Variants in WWOX observed in about 807,000 individuals in gnomAD.
WWOX encodes the protein WW domain containing oxidoreductase.
WWOX carries 69 observed loss-of-function variants against 46.2 expected under a neutral mutation model. The ratio of observed to expected loss-of-function variants is 1.49; its 90% CI spans 1.23 to 1.82. The LOEUF is 1.82. Ranked by LOEUF, WWOX falls within the 40% of genes most tolerant of loss-of-function variation. The pLI is 0.00. For synonymous variants in WWOX, 359 were observed against 202.6 expected (o/e 1.77, Z -6.56); for missense variants, 919 against 542.6 (o/e 1.69, Z -6.89).
intron 8 of WWOX, among the ~76,000 whole-genome samples, chr16:78,654,562 G>C (rs2047038731): frequency 6.6e-6 from 1 of 152,088 alleles, no homozygotes; most frequent in African/African-American, 2.4e-5. Context: ...GTTCTTTTCA[G>C]ATTCTGATTT....
intron 5 of WWOX, among the ~76,000 whole-genome samples, chr16:78,230,573 T>G (rs1028002638): frequency 2.0e-5 from 3 of 152,250 alleles, no homozygotes; most frequent in Non-Finnish European, 4.4e-5. Flanking sequence ...CTTAAGTGGT[T>G]GATAAAACTT....
At chr16:78,474,535 C>G (rs1190977095) in intron 8 of WWOX, among the ~76,000 whole-genome samples, 1 of 152,216 alleles carries the variant, frequency 6.6e-6, no homozygotes, top group African/African-American at 2.4e-5. Context: ...GCTGCTGTTA[C>G]TCAAACGACA....
At chr16:78,354,445 C>T (rs954420199) in intron 5 of WWOX, among the ~76,000 whole-genome samples, 1 of 151,192 alleles carries the variant, frequency 6.6e-6, no homozygotes, top group Non-Finnish European at 1.5e-5. Context: ...TTAATCCGCT[C>T]ATTACTGCAG....
intron 8 of WWOX, among the ~76,000 whole-genome samples, chr16:78,827,431 A>C (rs2051688574): frequency 1.3e-5 from 2 of 152,070 alleles, no homozygotes; most frequent in Non-Finnish European, 2.9e-5. Context: ...TCAGGTGTGT[A>C]GTCTCGAAGG....
chr16:78,740,182 C>T (rs547627259), intron 8 of WWOX, among the ~76,000 whole-genome samples: 1 of 152,258 alleles, frequency 6.6e-6, no homozygotes, highest in East Asian at 1.9e-4. Flanking sequence ...AGAGAGTGAG[C>T]TCCAGCACCA....
At chr16:78,713,630 G>C (rs954384904) in intron 8 of WWOX, among the ~76,000 whole-genome samples, 1 of 152,158 alleles carries the variant, frequency 6.6e-6, no homozygotes, top group Non-Finnish European at 1.5e-5. Flanking sequence ...CATATGCATG[G>C]AGGAAAGACC....
chr16:78,909,975 TC>T lies in WWOX; in HGVS notation c.1057-301631del, dbSNP rs139526162. 3.7e-3 allele frequency among the ~76,000 whole-genome samples: 557 copies of T among 152,342 alleles called. 2 individuals carry two copies. Among genetic ancestry groups the T allele is most frequent in the South Asian group, 0.01 (50 of 4,826 alleles). On this transcript the variant is annotated intron_variant, in intron 8 of 8. Transcript: ENST00000566780. ...TCCCTGGTACATAAAAGAATGCAAT[TC>T]CACCTATATTTTGATTTAAGATCAA...
Position 78,593,696 on chromosome 16 carries a change from G to T in WWOX, c.1056+160944G>T, listed in dbSNP as rs539951393. ...TGCTGCTTGGCAGCATCTTCCCAGC[G>T]TACAACAGAGGAAAACTGCCTGTTG... On this transcript the variant is annotated intron_variant, in intron 8 of 8. Transcript: ENST00000566780. Among the ~76,000 whole-genome samples the T allele has an allele frequency of 7.3e-5, 11 of 151,132 alleles. 1 individual carries two copies. In the South Asian group the frequency reaches 2.1e-3, roughly 29 times the overall value.
chr16:79,035,056 A>C lies in WWOX; in HGVS notation c.1057-176552A>C, dbSNP rs921348991. ...CTTGTCAACATTTCCTACATTCAAC[A>C]TTGTACTCTAATATCCAGTAAAGTG... is the stretch of plus-strand genomic sequence containing the variant. On this transcript the variant is annotated intron_variant, in intron 8 of 8. Coordinates refer to ENST00000566780, the MANE Select transcript of WWOX (RefSeq NM_016373.4). Among the ~76,000 whole-genome samples the C allele has an allele frequency of 2.5e-4, 38 of 152,200 alleles. 1 individual carries two copies. Among genetic ancestry groups the C allele is most frequent in the Non-Finnish European group, 2.4e-4 (16 of 68,040 alleles).
At chr16:78,163,205 A>G (rs1232211963) in intron 4 of WWOX, among the ~76,000 whole-genome samples, 2 of 151,954 alleles carry the variant, frequency 1.3e-5, no homozygotes, top group African/African-American at 2.4e-5. Flanking sequence ...GTAATTTGAG[A>G]CTCTAGATAA....
At chr16:78,509,960 C>T (rs1010434052) in intron 8 of WWOX, among the ~76,000 whole-genome samples, 1 of 150,856 alleles carries the variant, frequency 6.6e-6, no homozygotes, top group South Asian at 2.1e-4. Context: ...AATTAGCTGG[C>T]ATGGTGGCAC....
At chr16:78,263,761 A>G (rs2079298358) in intron 5 of WWOX, among the ~76,000 whole-genome samples, 1 of 152,184 alleles carries the variant, frequency 6.6e-6, no homozygotes, top group Non-Finnish European at 1.5e-5. Flanking sequence ...TTTATCTGCC[A>G]CTTACCTGGA....
chr16:78,410,897 C>T (rs1201583095), intron 6 of WWOX, among the ~76,000 whole-genome samples: 1 of 151,540 alleles, frequency 6.6e-6, no homozygotes, highest in Non-Finnish European at 1.5e-5. Context: ...TGGCTGTTGG[C>T]AGAGGTCACT....
At chr16:78,968,976 A>C (rs1475745866) in intron 8 of WWOX, among the ~76,000 whole-genome samples, 1 of 152,204 alleles carries the variant, frequency 6.6e-6, no homozygotes, top group Non-Finnish European at 1.5e-5. Context: ...CAAATGTATA[A>C]CAAAATAGAA....
At chr16:79,198,073 C>G (rs892171842) in intron 8 of WWOX, among the ~76,000 whole-genome samples, 42 of 152,096 alleles carry the variant, frequency 2.8e-4, no homozygotes, top group African/African-American at 9.7e-4. Flanking sequence ...GCCTATAATC[C>G]CAGCACTTGG....
chr16:79,060,006 T>C (rs916397364), intron 8 of WWOX, among the ~76,000 whole-genome samples: 8 of 152,230 alleles, frequency 5.3e-5, no homozygotes, highest in Non-Finnish European at 1.2e-4. Context: ...TTCCATTTTA[T>C]TTTATTTACA....
At chr16:78,799,418 G>A (rs958161630) in intron 8 of WWOX, among the ~76,000 whole-genome samples, 1 of 152,196 alleles carries the variant, frequency 6.6e-6, no homozygotes, top group Non-Finnish European at 1.5e-5. Flanking sequence ...GAACTTACCA[G>A]CATTTAAGGT....
At chr16:78,588,945 A>G (rs1412029184) in intron 8 of WWOX, among the ~76,000 whole-genome samples, 1 of 152,186 alleles carries the variant, frequency 6.6e-6, no homozygotes, top group Non-Finnish European at 1.5e-5. Flanking sequence ...TTTGTTTCTT[A>G]TCTCTACTGT....
chr16:79,075,422 A>T (rs574371204), intron 8 of WWOX, among the ~76,000 whole-genome samples: 1 of 152,136 alleles, frequency 6.6e-6, no homozygotes, highest in African/African-American at 2.4e-5. Flanking sequence ...TTTTTCCCCT[A>T]TACCTAAGTT....
Sources: gnomAD v4.1 joint callset for allele counts (sites outside exome capture counted in the v4.1 genomes callset) on GRCh38, gnomAD v4.1.1 for gene constraint, MANE v1.5 for transcripts, NCBI Gene and HGNC (gene_info 2026-07-23, HGNC 2026-07-21) for gene names.